The following EHMT1 variants were observed in gnomAD, a reference collection of about 807,000 sequenced individuals.
EHMT1 encodes euchromatic histone lysine methyltransferase 1.
A neutral mutation model predicts 147.2 loss-of-function variants in EHMT1; 15 were observed. The observed-to-expected ratio is 0.10, with a 90% CI of 0.07 to 0.16. EHMT1 has a LOEUF of 0.16. EHMT1 is among the 10% of genes least tolerant of loss of function. The probability of loss-of-function intolerance (pLI) is 1.00; values close to 1 mark genes in which losing one functional copy is unlikely to be tolerated. For missense variants in EHMT1, 1,587 were observed against 1,772.4 expected (o/e 0.90, Z 1.88); for synonymous variants, 795 against 709.6 (o/e 1.12, Z -1.91).
At chr9:137,788,133 A>G in intron 15 of EHMT1, 1 of 1,158,910 alleles carries the variant, frequency 8.6e-7, no homozygotes, top group Non-Finnish European at 1.2e-6. Context: ...AGAGGAGGGC[A>G]GGGGTGGGGT....
intron 16 of EHMT1, among the ~76,000 whole-genome samples, chr9:137,798,243 A>C (rs1953126284): frequency 6.6e-6 from 1 of 152,164 alleles, no homozygotes; most frequent in Non-Finnish European, 1.5e-5. Flanking sequence ...CTAGGAAAGA[A>C]AAAAGTACAT....
At chr9:137,741,643 T>G (rs1249024197) in intron 4 of EHMT1, among the ~76,000 whole-genome samples, 1 of 152,198 alleles carries the variant, frequency 6.6e-6, no homozygotes, top group Non-Finnish European at 1.5e-5. Context: ...TATGCAGAGA[T>G]TGGCTCCAGG....
At chr9:137,725,218 G>A (rs1946507481) in intron 3 of EHMT1, among the ~76,000 whole-genome samples, 1 of 146,028 alleles carries the variant, frequency 6.8e-6, no homozygotes, top group Non-Finnish European at 1.5e-5. Context: ...CGTGGGGCAG[G>A]TATGTGGCAT....
At chr9:137,655,548 G>A (rs1437725445) in intron 1 of EHMT1, among the ~76,000 whole-genome samples, 1 of 152,214 alleles carries the variant, frequency 6.6e-6, no homozygotes, top group Non-Finnish European at 1.5e-5. Flanking sequence ...TTTACATGAA[G>A]ATGCTAATAG....
At chr9:137,726,568 G>C (rs1946652325) in intron 3 of EHMT1, among the ~76,000 whole-genome samples, 1 of 152,114 alleles carries the variant, frequency 6.6e-6, no homozygotes, top group Non-Finnish European at 1.5e-5. Flanking sequence ...TGTGGTTGAT[G>C]CTGCTATCAA....
intron 1 of EHMT1, among the ~76,000 whole-genome samples, chr9:137,698,688 G>A (rs1012127385): frequency 6.6e-6 from 1 of 152,172 alleles, no homozygotes; most frequent in African/African-American, 2.4e-5. Flanking sequence ...TGAAACCATT[G>A]AGTCTTTTCT....
chr9:137,765,707 T>TCCCGGCAGCCCCG (rs1452651345), intron 10 of EHMT1, among the ~76,000 whole-genome samples: 1 of 142,494 alleles, frequency 7.0e-6, no homozygotes, highest in African/African-American at 2.6e-5. Context: ...CTTGTGTTCT[T>TCCCGGCAGCCCCG]CCCGGCAGCC....
intron 19 of EHMT1, among the ~76,000 whole-genome samples, chr9:137,812,409 T>G (rs532052932): frequency 6.6e-6 from 1 of 152,372 alleles, no homozygotes; most frequent in East Asian, 1.9e-4. Flanking sequence ...CAGGTTGTTG[T>G]TGGTGGCCTG....
chr9:137,803,564 G>A (rs977353865), intron 18 of EHMT1, among the ~76,000 whole-genome samples: 1 of 152,136 alleles, frequency 6.6e-6, no homozygotes, highest in Admixed American at 6.5e-5. Flanking sequence ...TGGACATTAG[G>A]TTGTTTCTGA....
chr9:137,800,263 G>A (rs1168880975), intron 17 of EHMT1: 1 of 153,154 alleles, frequency 6.5e-6, no homozygotes. Flanking sequence ...CCCACTGACT[G>A]GACTCAGGAG....
intron 1 of EHMT1, among the ~76,000 whole-genome samples, chr9:137,699,574 C>T (rs1384834802): frequency 6.6e-6 from 1 of 151,888 alleles, no homozygotes; most frequent in Non-Finnish European, 1.5e-5. Flanking sequence ...ACTTGGGAGG[C>T]TGAGGCAAGA....
rs750485919 is a variant in EHMT1, at chr9:137,798,894, C to G, written c.2587C>G (p.Gln863Glu). ...EVVQYLLSNG[Q>E]MDVNCQDDGG... ...GGTCCAGTACCTGCTTTCAAATGGA[C>G]AGATGGACGTCAACTGTCAGGTACA... The change falls in exon 17 of 27, where the codon CAG (glutamine) becomes GAG (glutamate). Residue 863 changes from glutamine to glutamate, a missense_variant. Coordinates refer to ENST00000460843, the MANE Select transcript of EHMT1 (RefSeq NM_024757.5). 3.1e-6 allele frequency: 5 copies of G among 1,614,012 alleles called. No individual in the cohort carries two copies.
intron 1 of EHMT1, among the ~76,000 whole-genome samples, chr9:137,627,769 C>T (rs910189212): frequency 6.7e-5 from 10 of 148,616 alleles, no homozygotes; most frequent in East Asian, 6.0e-4. Flanking sequence ...GGTGTGATCT[C>T]GGCTCACTGC....
At chr9:137,708,774 CCTGAGTGGCATGTCCAGGT>C (rs770009375) in intron 1 of EHMT1, among the ~76,000 whole-genome samples, 4 of 152,080 alleles carry the variant, frequency 2.6e-5, no homozygotes, top group Non-Finnish European at 5.9e-5. Flanking sequence ...CATGTCCAGG[CCTGAGTGGCATGTCCAGGT>C]CTGAGTGGCA....
chr9:137,817,640 G>A lies in EHMT1; in HGVS notation c.3461+115G>A, dbSNP rs149983654. 1.6e-5 allele frequency: 21 copies of A among 1,347,686 alleles called. No homozygotes were observed. The African/African-American group carries it at 2.3e-4, about 15-fold the overall frequency. The allele number at this position is 1,347,686 out of a possible 1,614,324, so 83.5% of individuals were successfully genotyped here. ...GCAGGCACATCCCTGGCGTACAGCA[G>A]CGTGGGGTGGGGGCCACAGAGACCC... On this transcript the variant is annotated intron_variant, in intron 24 of 26. Transcript: ENST00000460843.
At chr9:137,719,460 C>CG (rs1264506456) in intron 3 of EHMT1, among the ~76,000 whole-genome samples, 2 of 152,164 alleles carry the variant, frequency 1.3e-5, no homozygotes, top group Admixed American at 1.3e-4. Flanking sequence ...ACAGATAAGG[C>CG]GGGCACCTCG....
intron 4 of EHMT1, among the ~76,000 whole-genome samples, chr9:137,739,314 C>G (rs1189077258): frequency 6.6e-6 from 1 of 150,664 alleles, no homozygotes; most frequent in Admixed American, 6.6e-5. Context: ...GGAGATCGCA[C>G]CAATGCACTC....
chr9:137,668,335 A>AC (rs1939929362), intron 1 of EHMT1, among the ~76,000 whole-genome samples: 1 of 144,176 alleles, frequency 6.9e-6, no homozygotes, highest in East Asian at 2.0e-4. Flanking sequence ...CCCACCACTC[A>AC]CCCACCCACC....
Position 137,775,101 on chromosome 9 carries a change from G to C in EHMT1, c.1648-8G>C, listed in dbSNP as rs1950865107. On this transcript the variant is annotated splice_region_variant and splice_polypyrimidine_tract_variant and intron_variant, in intron 10 of 26. Transcript: ENST00000460843. The surrounding 1 kb of genome is among the most constrained non-coding windows in gnomAD (Gnocchi z 6.1). The stretch of plus-strand genomic sequence containing the variant: ...CTGACATTGACCACCAGTCTTGTCT[G>C]ATTGCAGTTGGGCCGGTGCACAAAC... The C allele has an allele frequency of 1.2e-6, 2 of 1,613,960 alleles. No homozygotes were observed. The highest frequency in any genetic ancestry group is 1.7e-6 in the Non-Finnish European group (2 of 1,180,026).
Sources: allele counts gnomAD v4.1 joint callset (sites outside exome capture counted in the v4.1 genomes callset), GRCh38; gene constraint gnomAD v4.1.1; non-coding constraint Gnocchi (gnomAD v3.1); transcripts MANE v1.5; gene names NCBI Gene and HGNC (gene_info 2026-07-23, HGNC 2026-07-21).